Variants in EFCAB6 observed in about 807,000 individuals in gnomAD.
EFCAB6 encodes the protein EF-hand calcium binding domain 6, also known as EF-hand calcium-binding domain-containing protein 6.
In EFCAB6, 156 loss-of-function variants were observed where a neutral mutation model predicts 169.8. That is an observed-to-expected ratio of 0.92 (90% confidence interval 0.81 to 1.05). The LOEUF (loss-of-function observed/expected upper bound fraction) is 1.05, where lower values mean the gene tolerates loss of function less well. Among genes scored for constraint, EFCAB6 ranks in the 50% least tolerant of loss-of-function variants. The pLI, the probability that EFCAB6 is intolerant of heterozygous loss-of-function variation, is 0.00. For synonymous variants in EFCAB6, 698 were observed against 676.4 expected (o/e 1.03, Z -0.50); for missense variants, 1,800 against 1,829.1 (o/e 0.98, Z 0.29).
At chr22:43,727,001 GT>G (rs1460578817) in intron 8 of EFCAB6, among the ~76,000 whole-genome samples, 1 of 152,196 alleles carries the variant, frequency 6.6e-6, no homozygotes, top group African/African-American at 2.4e-5. Flanking sequence ...TCAGGAAACT[GT>G]GATTCACATT....
At chr22:43,670,992 T>C (rs530241586) in intron 15 of EFCAB6, among the ~76,000 whole-genome samples, 48 of 152,258 alleles carry the variant, frequency 3.2e-4, no homozygotes, top group African/African-American at 1.2e-3. Context: ...TAGTAAGAAA[T>C]ATCTGGATGA....
At chr22:43,748,184 A>G (rs565076256) in intron 6 of EFCAB6, among the ~76,000 whole-genome samples, 1 of 152,302 alleles carries the variant, frequency 6.6e-6, no homozygotes, top group East Asian at 1.9e-4. Flanking sequence ...AAATGCACCC[A>G]TGATGCTGCT....
At chr22:43,727,519 AGTGAAC>A (rs2059782404) in intron 8 of EFCAB6, among the ~76,000 whole-genome samples, 1 of 152,240 alleles carries the variant, frequency 6.6e-6, no homozygotes, top group African/African-American at 2.4e-5. Flanking sequence ...ATTTCTGTTG[AGTGAAC>A]AGACAGGAAA....
intron 13 of EFCAB6, among the ~76,000 whole-genome samples, chr22:43,674,678 C>T (rs1212142450): frequency 6.6e-6 from 1 of 152,182 alleles, no homozygotes; most frequent in African/African-American, 2.4e-5. Flanking sequence ...TACGTGTCTA[C>T]GTTTTGTTTT....
At chr22:43,689,316 G>A (rs919365779) in intron 10 of EFCAB6, among the ~76,000 whole-genome samples, 3 of 150,642 alleles carry the variant, frequency 2.0e-5, no homozygotes, top group Admixed American at 1.3e-4. Flanking sequence ...TGAGCCACGC[G>A]AGGGAGAGTG....
At chr22:43,609,220 ATACT>A (rs1350186619) in intron 21 of EFCAB6, among the ~76,000 whole-genome samples, 1 of 152,234 alleles carries the variant, frequency 6.6e-6, no homozygotes, top group Non-Finnish European at 1.5e-5. Context: ...TGCAAGTATG[ATACT>A]TAATAGTGAA....
intron 10 of EFCAB6, among the ~76,000 whole-genome samples, chr22:43,701,267 T>G (rs2058755415): frequency 6.6e-6 from 1 of 152,194 alleles, no homozygotes; most frequent in African/African-American, 2.4e-5. Context: ...ATTCCCCTCC[T>G]CTAATTCATT....
chr22:43,652,877 G>GA (rs2056545584), intron 17 of EFCAB6, among the ~76,000 whole-genome samples: 1 of 150,988 alleles, frequency 6.6e-6, no homozygotes, highest in African/African-American at 2.4e-5. Context: ...GACAAAAGAA[G>GA]AAAAAAACAC....
chr22:43,616,773 A>C (rs1006169888), intron 20 of EFCAB6, among the ~76,000 whole-genome samples: 6 of 152,224 alleles, frequency 3.9e-5, no homozygotes, highest in Non-Finnish European at 8.8e-5. Flanking sequence ...AAAGCACAGT[A>C]AAGGCTGAGG....
intron 6 of EFCAB6, among the ~76,000 whole-genome samples, chr22:43,747,748 A>G (rs536720616): frequency 6.6e-6 from 1 of 152,164 alleles, no homozygotes; most frequent in South Asian, 2.1e-4. Context: ...ACACCATCTG[A>G]AGTCTTACCC....
intron 9 of EFCAB6, among the ~76,000 whole-genome samples, chr22:43,716,295 C>T (rs1260302619): frequency 6.6e-6 from 1 of 152,138 alleles, no homozygotes; most frequent in African/African-American, 2.4e-5. Context: ...TATTGAAATG[C>T]TTCACATCAC....
rs1603400616 is a variant in EFCAB6, at chr22:43,812,192, C to T, written c.-169G>A. The stretch of plus-strand genomic sequence containing the variant: ...CCGGGAACCCCTCCTCGATTCTCCG[C>T]CTAGCTGGGCCGGCACCCGCGTGCG... On this transcript the variant is annotated 5_prime_UTR_variant, in exon 1 of 32. Coordinates refer to ENST00000262726, the MANE Select transcript of EFCAB6 (RefSeq NM_022785.4). 1 of 152,276 alleles carries T rather than the reference C, an allele frequency of 6.6e-6. No individual in the cohort carries two copies. The highest frequency in any genetic ancestry group is 1.5e-5 in the Non-Finnish European group (1 of 68,064). The allele number at this position is 152,276 out of a possible 1,614,324, so 9.4% of individuals were successfully genotyped here. A position where few individuals can be genotyped will look rare whatever the true frequency, so the allele number is the denominator to read the frequency against.
At position 43,716,885 on chromosome 22, in the gene EFCAB6, T is replaced by G. The variant is rs754360140; in HGVS notation, c.845A>C (p.Tyr282Ser). The G allele has an allele frequency of 3.1e-6, 5 of 1,602,632 alleles. No individual in the cohort carries two copies. The highest frequency in any genetic ancestry group is 3.4e-6 in the Non-Finnish European group (4 of 1,175,118). ...SASSEDIWRNYSLDEIERNFC... is the reference protein window; with the variant it reads ...SASSEDIWRNSSLDEIERNFC... ...GTTCCTCTCAATTTCATCCAAGGAGTAGTTTCTCCAGATATCTTCAGATGA... is the reference window on the plus strand; with the variant it reads ...GTTCCTCTCAATTTCATCCAAGGAGGAGTTTCTCCAGATATCTTCAGATGA... Residue 282 changes from tyrosine to serine, a missense_variant, in exon 9 of 32, where the codon TAC becomes TCC. Transcript: ENST00000262726.
At chr22:43,732,939 T>G (rs1408997725) in intron 7 of EFCAB6, among the ~76,000 whole-genome samples, 1 of 152,246 alleles carries the variant, frequency 6.6e-6, no homozygotes, top group Non-Finnish European at 1.5e-5. Context: ...CCATATGTGT[T>G]GATTTCTATA....
At chr22:43,565,936 T>C (rs1293327779) in intron 26 of EFCAB6, among the ~76,000 whole-genome samples, 1 of 151,858 alleles carries the variant, frequency 6.6e-6, no homozygotes, top group Non-Finnish European at 1.5e-5. Flanking sequence ...AAGAAATTAA[T>C]TGTACTGTAT....
intron 24 of EFCAB6, among the ~76,000 whole-genome samples, chr22:43,589,219 A>G (rs1447570261): frequency 6.9e-6 from 1 of 144,604 alleles, no homozygotes; most frequent in East Asian, 2.0e-4. Flanking sequence ...GATCGAGACC[A>G]TCCTGGCTGA....
chr22:43,720,350 TA>T (rs34117958), intron 8 of EFCAB6, among the ~76,000 whole-genome samples: 20 of 144,438 alleles, frequency 1.4e-4, no homozygotes, highest in Non-Finnish European at 2.3e-4. Flanking sequence ...TACAAAAGAT[TA>T]AAAAAAAAAA....
chr22:43,538,985 C>G (rs2047541152), intron 28 of EFCAB6, among the ~76,000 whole-genome samples: 1 of 152,180 alleles, frequency 6.6e-6, no homozygotes, highest in Non-Finnish European at 1.5e-5. Flanking sequence ...AGAGGCTTCT[C>G]ACAATCCTTG....
At chr22:43,583,662 T>G (rs2084407082) in intron 24 of EFCAB6, among the ~76,000 whole-genome samples, 1 of 152,060 alleles carries the variant, frequency 6.6e-6, no homozygotes. Context: ...CCCTCATGAA[T>G]GAGATTAGTG....
Sources: gnomAD v4.1 joint callset for allele counts (sites outside exome capture counted in the v4.1 genomes callset) on GRCh38, gnomAD v4.1.1 for gene constraint, MANE v1.5 for transcripts, NCBI Gene and HGNC (gene_info 2026-07-23, HGNC 2026-07-21) for gene names.